TNFSF15: variants seen among roughly 807,000 people sequenced by gnomAD.
TNFSF15 encodes the protein tumor necrosis factor ligand superfamily member 15.
Under a neutral mutation model 26.4 loss-of-function variants are expected in TNFSF15, and 15 were observed. The observed-to-expected ratio is 0.57, with a 90% CI of 0.38 to 0.87. TNFSF15 has a LOEUF of 0.87. TNFSF15 is among the 40% of genes least tolerant of loss of function. The probability of loss-of-function intolerance (pLI) is 0.00; values close to 1 mark genes in which losing one functional copy is unlikely to be tolerated. For synonymous variants in TNFSF15, 116 were observed against 115.0 expected (o/e 1.01, Z -0.06); for missense variants, 290 against 306.1 (o/e 0.95, Z 0.39).
intron 1 of TNFSF15, among the ~76,000 whole-genome samples, chr9:114,794,712 C>T (rs1028763819): frequency 4.6e-5 from 7 of 152,094 alleles, no homozygotes; most frequent in Non-Finnish European, 1.0e-4. Context: ...AATGAAATCA[C>T]GTTATTTGCA....
intron 1 of TNFSF15, among the ~76,000 whole-genome samples, chr9:114,795,696 A>G (rs1829664577): frequency 6.6e-6 from 1 of 152,142 alleles, no homozygotes; most frequent in South Asian, 2.1e-4. Flanking sequence ...CCGAGGGAGG[A>G]CTGTCTCATG....
chr9:114,792,810 C>T (rs1055502599), intron 2 of TNFSF15, among the ~76,000 whole-genome samples: 5 of 152,206 alleles, frequency 3.3e-5, no homozygotes, highest in African/African-American at 1.2e-4. Flanking sequence ...CTCAATAAAG[C>T]ACAACTCACT....
At position 114,804,313 on chromosome 9, in the gene TNFSF15, G is replaced by A. The variant is rs574252486; in HGVS notation, c.210+1490C>T. On this transcript the variant is annotated intron_variant, in intron 1 of 3. Coordinates refer to ENST00000374045, the MANE Select transcript of TNFSF15 (RefSeq NM_005118.4). ...ACCGAGCTTCCCGTCTAGTGACAGT[G>A]CATGTCTCCATCTCACCTTCTGGCT... Among the ~76,000 whole-genome samples the A allele has an allele frequency of 1.1e-4, 17 of 152,312 alleles. No homozygotes were observed. The East Asian group carries it at 2.1e-3, about 19-fold the overall frequency.
rs1440963390 is a variant in TNFSF15, at chr9:114,787,711, AGAAG to A, written c.*2737_*2740del. The A allele has an allele frequency of 6.5e-5, 10 of 153,744 alleles. No individual in the cohort carries two copies. The highest frequency in any genetic ancestry group is 2.2e-4 in the African/African-American group (9 of 41,454). The allele number at this position is 153,744 out of a possible 1,614,324, so 9.5% of individuals were successfully genotyped here. The stretch of plus-strand genomic sequence containing the variant: ...GCTATGGAGATAATGCCTTGGGAAC[AGAAG>A]TTCTGACATGAGCCCTATTAGGAAT... On this transcript the variant is annotated 3_prime_UTR_variant, in exon 4 of 4. Transcript: ENST00000374045.
intron 2 of TNFSF15, among the ~76,000 whole-genome samples, chr9:114,792,825 T>C (rs1587898724): frequency 1.3e-5 from 2 of 152,366 alleles, no homozygotes; most frequent in Middle Eastern, 3.4e-3. Context: ...CTCACTGCTC[T>C]TTCCCACAAA....
chr9:114,801,700 G>A (rs1829751290), intron 1 of TNFSF15, among the ~76,000 whole-genome samples: 1 of 152,196 alleles, frequency 6.6e-6, no homozygotes, highest in Admixed American at 6.5e-5. Flanking sequence ...GTTAAGAAGT[G>A]TCTAGGCCAG....
intron 1 of TNFSF15, among the ~76,000 whole-genome samples, chr9:114,801,744 C>T (rs1220444940): frequency 6.6e-6 from 1 of 152,194 alleles, no homozygotes; most frequent in African/African-American, 2.4e-5. Context: ...CAACCCTAAA[C>T]TCTTCCAAGA....
chr9:114,805,781 G>C (rs1413402867), intron 1 of TNFSF15, 22 bp downstream of exon 1: 1 of 1,609,950 alleles, frequency 6.2e-7, no homozygotes, highest in East Asian at 2.2e-5. Flanking sequence ...CCTCCCCAAG[G>C]TCAGAGTGCC....
intron 3 of TNFSF15, chr9:114,791,324 G>A (rs2131302699): frequency 7.9e-6 from 2 of 253,080 alleles, no homozygotes; most frequent in South Asian, 8.3e-5. Flanking sequence ...ACAAGGCCAG[G>A]CACCAGACCC....
Position 114,805,832 on chromosome 9 carries a change from C to A in TNFSF15, c.181G>T (p.Ala61Ser), listed in dbSNP as rs1271897082. ...AACTGCACACAGGCCTCTCCCTGGG[C>A]CCGGAGCTGGCTGACAAGCAGGTAT... ...TTYLLVSQLRAQGEACVQFQA... is the reference protein window; with the variant it reads ...TTYLLVSQLRSQGEACVQFQA... The change falls in exon 1 of 4, where the codon GCC becomes TCC. Residue 61 changes from alanine (A) to serine (S), a missense_variant. Physicochemically the swap from Ala to Ser is moderately conservative, Grantham distance 99. This residue lies in a region of TNFSF15 where 179 missense variants were observed against 165.9 expected (regional missense o/e 1.08). Transcript: ENST00000374045. 2 of 1,613,618 alleles carry A rather than the reference C, an allele frequency of 1.2e-6. No individual in the cohort carries two copies. Among genetic ancestry groups the A allele is most frequent in the Non-Finnish European group, 1.7e-6 (2 of 1,180,026 alleles).
rs1435330212 is a variant in TNFSF15 at position 114,792,324 on chromosome 9, T to C, written c.301+83A>G. On this transcript the variant is annotated intron_variant, in intron 3 of 3. Coordinates refer to ENST00000374045, the MANE Select transcript of TNFSF15 (RefSeq NM_005118.4). The stretch of plus-strand genomic sequence containing the variant: ...GAATGTAGTTTTCATTTTAAGCCAC[T>C]AGAATGAATTTTGGTAAAGTGCTGA... The C allele has an allele frequency of 3.3e-6, 5 of 1,532,234 alleles. No homozygotes were observed. The Admixed American group carries it at 8.1e-5, about 25-fold the overall frequency. 94.9% of individuals were successfully genotyped at this position (1,532,234 alleles called of 1,614,324 possible).
chr9:114,790,566 G>A lies in TNFSF15; in HGVS notation c.642C>T (p.Leu214=), dbSNP rs780282454. 1.5e-5 allele frequency: 24 copies of A among 1,613,950 alleles called. No individual in the cohort carries two copies. Among genetic ancestry groups the A allele is most frequent in the East Asian group, 2.2e-5 (1 of 44,868 alleles). ...VGSNWFQPIY[L]GAMFSLQEGD... is the part of the protein sequence containing the mutation. Reference sequence around the variant, plus strand: ...CTTCTTGCAAGGAGAACATGGCTCCGAGGTAGATGGGCTGGAACCAGTTGC... The same window carrying A: ...CTTCTTGCAAGGAGAACATGGCTCCAAGGTAGATGGGCTGGAACCAGTTGC... The change falls in exon 4 of 4, where the codon CTC becomes CTT. Residue 214 remains leucine, a synonymous_variant. Transcript: ENST00000374045.
intron 3 of TNFSF15, 63 bp from the exon 4 acceptor site, chr9:114,790,969 T>C (rs4246905): frequency 0.74 from 1,133,532 of 1,539,120 alleles, 419,605 homozygotes; most frequent in African/African-American, 0.93. Flanking sequence ...GCTTAAAAAG[T>C]GTCTCATATC....
intron 3 of TNFSF15, 56 bp downstream of exon 3, chr9:114,792,351 A>C: frequency 6.3e-7 from 1 of 1,586,368 alleles, no homozygotes; most frequent in Non-Finnish European, 8.6e-7. Context: ...AAGTGCTGAA[A>C]GAAATCTCAG....
chr9:114,792,170 C>G, intron 3 of TNFSF15: 1 of 529,558 alleles, frequency 1.9e-6, no homozygotes, highest in South Asian at 3.5e-5. Context: ...AAGTGTTCAT[C>G]AACAGATGAA....
intron 1 of TNFSF15, among the ~76,000 whole-genome samples, chr9:114,798,811 C>T (rs1293487430): frequency 2.6e-5 from 4 of 152,140 alleles, no homozygotes; most frequent in Non-Finnish European, 5.9e-5. Flanking sequence ...GAAAAATCCC[C>T]TAAGTATATT....
At chr9:114,794,791 C>T (rs1448832795) in intron 1 of TNFSF15, among the ~76,000 whole-genome samples, 2 of 152,120 alleles carry the variant, frequency 1.3e-5, no homozygotes, top group African/African-American at 4.8e-5. Context: ...ACACACTTTG[C>T]ATGTTCTCAT....
rs1829498140 is a variant in TNFSF15 at position 114,786,257 on chromosome 9, C to T, written c.*4195G>A. The stretch of plus-strand genomic sequence containing the variant: ...TCTGGGCCATAGGAAAGCCAGAAAT[C>T]TTAAGGCAAGAGATGTTTGCATGTG... On this transcript the variant is annotated 3_prime_UTR_variant, in exon 4 of 4. Transcript: ENST00000374045. 1 of 152,210 alleles carries T rather than the reference C, an allele frequency of 6.6e-6. No individual in the cohort carries two copies. Among genetic ancestry groups the T allele is most frequent in the African/African-American group, 2.4e-5 (1 of 41,452 alleles). The allele number at this position is 152,210 out of a possible 1,614,324, so 9.4% of individuals were successfully genotyped here.
intron 1 of TNFSF15, among the ~76,000 whole-genome samples, chr9:114,803,616 G>T (rs1220582798): frequency 6.6e-6 from 1 of 152,182 alleles, no homozygotes; most frequent in Non-Finnish European, 1.5e-5. Flanking sequence ...TGGCTCAGTT[G>T]CCCCTGGACC....
Sources: gnomAD v4.1 joint callset for allele counts (sites outside exome capture counted in the v4.1 genomes callset) on GRCh38, gnomAD v4.1.1 for gene constraint, gnomAD v4.1.1 regional missense constraint, MANE v1.5 for transcripts, NCBI Gene and HGNC (gene_info 2026-07-23, HGNC 2026-07-21) for gene names.